SORCS2: variants seen among roughly 807,000 people sequenced by gnomAD.
SORCS2 encodes sortilin related VPS10 domain containing receptor 2.
In SORCS2, 100 loss-of-function variants were observed where a neutral mutation model predicts 141.6. The observed-to-expected ratio is 0.71, with a 90% CI of 0.60 to 0.83. SORCS2 has a LOEUF of 0.83. Among genes scored for constraint, SORCS2 ranks in the 40% least tolerant of loss-of-function variants. The probability of loss-of-function intolerance (pLI) is 0.00; values close to 1 mark genes in which losing one functional copy is unlikely to be tolerated. For synonymous variants in SORCS2, 789 were observed against 676.9 expected, an observed-to-expected ratio of 1.17 and a Z score of -2.57; for missense variants, 1,646 against 1,560.2, an observed-to-expected ratio of 1.05 and a Z score of -0.93.
chr4:7,739,558 G>A (rs941795854), intron 26 of SORCS2, among the ~76,000 whole-genome samples: 1 of 152,186 alleles, frequency 6.6e-6, no homozygotes, highest in Non-Finnish European at 1.5e-5. Flanking sequence ...TGAGGGGTGC[G>A]GTTGACCCTC....
rs890361944 is a variant in SORCS2, at chr4:7,658,435, G to T, written c.888-3065G>T. ...TAAAATTCTGTATTGCTGGTGGAGG[G>T]CCTGCTGCTGAAGGGAACAATGCCT... On this transcript the variant is annotated intron_variant, in intron 5 of 26. Coordinates refer to ENST00000507866, the MANE Select transcript of SORCS2 (RefSeq NM_020777.3). Among the ~76,000 whole-genome samples, 3 of 152,146 alleles carry T rather than the reference G, an allele frequency of 2.0e-5. No homozygotes were observed. The South Asian group carries it at 6.2e-4, about 32-fold the overall frequency.
chr4:7,483,708 C>T (rs983060306), intron 2 of SORCS2, among the ~76,000 whole-genome samples: 3 of 151,840 alleles, frequency 2.0e-5, no homozygotes, highest in Non-Finnish European at 4.4e-5. Context: ...GTTTCCGTAC[C>T]CTCTTGGGAA....
intron 1 of SORCS2, among the ~76,000 whole-genome samples, chr4:7,267,226 AC>A (rs1714803972): frequency 6.6e-6 from 1 of 152,166 alleles, no homozygotes; most frequent in East Asian, 1.9e-4. Flanking sequence ...AGCCTTTCTT[AC>A]CCTTCTGGTA....
intron 1 of SORCS2, among the ~76,000 whole-genome samples, chr4:7,330,505 G>T (rs1719585184): frequency 6.6e-6 from 1 of 151,618 alleles, no homozygotes; most frequent in East Asian, 2.0e-4. Context: ...TGACTGATGG[G>T]GAAAGAGCGA....
At chr4:7,735,744 T>A (rs2148901736) in intron 25 of SORCS2, among the ~76,000 whole-genome samples, 1 of 152,316 alleles carries the variant, frequency 6.6e-6, no homozygotes, top group South Asian at 2.1e-4. Flanking sequence ...ACTCAGCATC[T>A]TCTTCCCCCA....
chr4:7,425,233 G>C (rs947581954), intron 2 of SORCS2, among the ~76,000 whole-genome samples: 2 of 152,184 alleles, frequency 1.3e-5, no homozygotes, highest in African/African-American at 2.4e-5. Flanking sequence ...GCCCTTGATC[G>C]CTGTGGGGTG....
chr4:7,302,359 C>A (rs1216342538), intron 1 of SORCS2, among the ~76,000 whole-genome samples: 1 of 152,234 alleles, frequency 6.6e-6, no homozygotes, highest in Non-Finnish European at 1.5e-5. Context: ...AGAAGAAAAG[C>A]CAAGGTCACG....
At chr4:7,546,529 A>G (rs573961937) in intron 3 of SORCS2, among the ~76,000 whole-genome samples, 5 of 152,082 alleles carry the variant, frequency 3.3e-5, no homozygotes, top group Non-Finnish European at 5.9e-5. Context: ...CTGTCCTTCA[A>G]GCGGGAGAGG....
intron 2 of SORCS2, among the ~76,000 whole-genome samples, chr4:7,414,832 C>A (rs776712630): frequency 2.6e-5 from 4 of 152,078 alleles, no homozygotes; most frequent in African/African-American, 7.2e-5. Flanking sequence ...TTCCTGGGAA[C>A]TTCATACATG....
chr4:7,581,132 C>T (rs921662360), intron 3 of SORCS2, among the ~76,000 whole-genome samples: 1 of 149,768 alleles, frequency 6.7e-6, no homozygotes, highest in Non-Finnish European at 1.5e-5. Context: ...AATTCAAAAA[C>T]CTGCATATGT....
chr4:7,203,562 C>T (rs193049681), intron 1 of SORCS2, among the ~76,000 whole-genome samples: 6 of 146,364 alleles, frequency 4.1e-5, no homozygotes, highest in South Asian at 2.2e-4. Context: ...TGCAGTGAGC[C>T]GAGATCGTGC....
chr4:7,306,984 A>G (rs747517823), intron 1 of SORCS2, among the ~76,000 whole-genome samples: 3 of 152,172 alleles, frequency 2.0e-5, no homozygotes, highest in Non-Finnish European at 4.4e-5. Context: ...CCCGGAGCTG[A>G]TTCGGTGCCT....
chr4:7,576,438 A>T (rs1715757111), intron 3 of SORCS2, among the ~76,000 whole-genome samples: 1 of 152,256 alleles, frequency 6.6e-6, no homozygotes, highest in Admixed American at 6.5e-5. Flanking sequence ...GGAAACGACA[A>T]AGCAAGTCAC....
chr4:7,338,412 T>A (rs1393059107), intron 1 of SORCS2, among the ~76,000 whole-genome samples: 6 of 72,344 alleles, frequency 8.3e-5, no homozygotes, highest in African/African-American at 4.2e-4. Context: ...TGGATGTCGG[T>A]TGGATGGAAG....
chr4:7,437,735 CG>C (rs1560284876), intron 2 of SORCS2, among the ~76,000 whole-genome samples: 1 of 151,812 alleles, frequency 6.6e-6, no homozygotes, highest in Non-Finnish European at 1.5e-5. Flanking sequence ...TATCCCATGG[CG>C]GGGATGATGT....
chr4:7,718,079 C>A lies in SORCS2; in HGVS notation c.2320C>A (p.Gln774Lys). The A allele has an allele frequency of 6.2e-7, 1 of 1,611,790 alleles. No individual in the cohort carries two copies. Among genetic ancestry groups the A allele is most frequent in the South Asian group, 1.1e-5 (1 of 90,626 alleles). ...CATGCAGCAGAGTCAGGTGCAGCTG[C>A]AGTGCCCCCTCACGCCGCCCCGGGG... is the stretch of plus-strand genomic sequence containing the variant. ...VDMQQSQVQL[Q>K]CPLTPPRGLQ... The change falls in exon 18 of 27, where the codon CAG becomes AAG. Residue 774 changes from glutamine (Q) to lysine (K), a missense_variant. Gln to Lys is a moderately conservative substitution (Grantham distance 53). Transcript: ENST00000507866.
intron 1 of SORCS2, among the ~76,000 whole-genome samples, chr4:7,304,377 C>A (rs1717643025): frequency 6.6e-6 from 1 of 152,288 alleles, no homozygotes; most frequent in Admixed American, 6.5e-5. Flanking sequence ...TTTCCTGCCT[C>A]CTTCCCCCCT....
rs988055770 is a variant in SORCS2, at chr4:7,497,440, G to A, written c.549-34090G>A. ...CAAACCCACACCCAGTGAAGGGTGA[G>A]GCTGTCTCTTACCCCCTCCTCCTAG... is the stretch of plus-strand genomic sequence containing the variant. On this transcript the variant is annotated intron_variant, in intron 2 of 26. Transcript: ENST00000507866. 2.1e-5 allele frequency among the ~76,000 whole-genome samples: 3 copies of A among 144,810 alleles called. No homozygotes were observed. The East Asian group carries it at 5.8e-4, about 28-fold the overall frequency.
At chr4:7,422,794 G>C (rs1354688428) in intron 2 of SORCS2, among the ~76,000 whole-genome samples, 1 of 152,126 alleles carries the variant, frequency 6.6e-6, no homozygotes, top group Non-Finnish European at 1.5e-5. Context: ...CCGAGAGTCC[G>C]TTCCAACACC....
Sources: allele counts gnomAD v4.1 joint callset (sites outside exome capture counted in the v4.1 genomes callset), GRCh38; gene constraint gnomAD v4.1.1; transcripts MANE v1.5; gene names NCBI Gene and HGNC (gene_info 2026-07-23, HGNC 2026-07-21).